Variants in SLITRK3 observed in about 807,000 individuals in gnomAD.
SLITRK3 encodes SLIT and NTRK-like protein 3.
A neutral mutation model predicts 63.6 loss-of-function variants in SLITRK3; 16 were observed. That is an observed-to-expected ratio of 0.25 (90% CI 0.17 to 0.38). The LOEUF (loss-of-function observed/expected upper bound fraction) is 0.38, where lower values mean the gene tolerates loss of function less well. SLITRK3 is among the 10% of genes least tolerant of loss of function. The pLI is 1.00. For synonymous variants in SLITRK3, 547 were observed against 451.6 expected (o/e 1.21, Z -2.68); for missense variants, 1,117 against 1,181.4 (o/e 0.95, Z 0.80).
rs1448333933 is a variant in SLITRK3, at chr3:165,188,474, C to T, written c.2357G>A (p.Gly786Glu). The change falls in exon 2 of 2, where the codon GGA becomes GAA. Residue 786 changes from glycine to glutamate, a missense_variant. Gly to Glu is a moderately conservative substitution (Grantham distance 98, BLOSUM62 -2). This residue lies in a region of SLITRK3 where 499 missense variants were observed against 463.6 expected (regional missense o/e 1.08). Coordinates refer to ENST00000475390, the MANE Select transcript of SLITRK3 (RefSeq NM_001318810.2). ...ACTTCCTAGGAGAGCCTCACCCATTCCCGGTGGTTGTGTCCCTGGACCCCC... is the reference window on the plus strand; with the variant it reads ...ACTTCCTAGGAGAGCCTCACCCATTTCCGGTGGTTGTGTCCCTGGACCCCC... Reference protein sequence around the residue: ...ERGGPGTQPPGMGEALLGSEQ... With the variant: ...ERGGPGTQPPEMGEALLGSEQ... The T allele has an allele frequency of 6.2e-7, 1 of 1,613,850 alleles. No homozygotes were observed. Among genetic ancestry groups the T allele is most frequent in the African/African-American group, 1.3e-5 (1 of 74,860 alleles).
At position 165,190,221 on chromosome 3, in the gene SLITRK3, G is replaced by A. The variant is rs1420153400; in HGVS notation, c.610C>T (p.Arg204Cys). Residue 204 changes from arginine to cysteine, a missense_variant, in exon 2 of 2, where the codon CGT (arginine) becomes TGT (cysteine). By Grantham distance (180) the Arg-to-Cys change is radical (BLOSUM62 -3). Coordinates refer to ENST00000475390, the MANE Select transcript of SLITRK3 (RefSeq NM_001318810.2). The part of the protein sequence containing the change: ...KAVSLTHLDL[R>C]GNRLKVLFYR... The stretch of plus-strand genomic sequence containing the variant: ...AAAAGAACCTTTAACCTATTTCCAC[G>A]TAGGTCCAAATGGGTTAAAGAGACA... 3.7e-6 allele frequency: 6 copies of A among 1,614,102 alleles called. No individual in the cohort carries two copies. The highest frequency in any genetic ancestry group is 1.3e-5 in the African/African-American group (1 of 75,012).
Position 165,188,866 on chromosome 3 carries a change from C to T in SLITRK3, c.1965G>A (p.Val655=). 4 of 1,614,140 alleles carry T rather than the reference C, an allele frequency of 2.5e-6. No individual in the cohort carries two copies. The highest frequency in any genetic ancestry group is 4.5e-5 in the East Asian group (2 of 44,864). ...SPPGGPVPLS[V]LILSLLVLFF... is the part of the protein sequence containing the mutation. The stretch of plus-strand genomic sequence containing the variant: ...ACAGAACCAGCAGGCTGAGAATTAA[C>T]ACAGAAAGTGGCACAGGGCCCCCAG... The change falls in exon 2 of 2, where the codon GTG becomes GTA. Residue 655 remains valine (V), a synonymous_variant. Transcript: ENST00000475390.
In SLITRK3 at chr3:165,187,830, G is replaced by A. The variant is rs192962592; in HGVS notation, c.*67C>T. The stretch of plus-strand genomic sequence containing the variant: ...TGGGACAAGTGTAAAGGGAGCAAGG[G>A]ATATATTTCTTTTATTTTCCTTTTC... On this transcript the variant is annotated 3_prime_UTR_variant, in exon 2 of 2. Coordinates refer to ENST00000475390, the MANE Select transcript of SLITRK3 (RefSeq NM_001318810.2). 172 of 1,307,628 alleles carry A rather than the reference G, an allele frequency of 1.3e-4. No individual in the cohort carries two copies. In the East Asian group the frequency reaches 3.9e-3, roughly 30 times the overall value. 81.0% of individuals were successfully genotyped at this position (1,307,628 alleles called of 1,614,324 possible).
intron 1 of SLITRK3, among the ~76,000 whole-genome samples, chr3:165,194,176 T>A (rs541651304): frequency 1.3e-5 from 2 of 152,134 alleles, no homozygotes; most frequent in African/African-American, 4.8e-5. Flanking sequence ...CAGGGACTTT[T>A]TGGTTGCTAA....
Position 165,195,943 on chromosome 3 carries a change from T to G in SLITRK3, c.-385A>C, listed in dbSNP as rs955940706. The stretch of plus-strand genomic sequence containing the variant: ...AGGTTCCTTTGATTTAAAATCTCGG[T>G]GCTCTGGATCAGTGGAGAGCTTCGT... On this transcript the variant is annotated 5_prime_UTR_variant, in exon 1 of 2. Coordinates refer to ENST00000475390, the MANE Select transcript of SLITRK3 (RefSeq NM_001318810.2). 1.3e-5 allele frequency: 2 copies of G among 152,648 alleles called. No homozygotes were observed. The highest frequency in any genetic ancestry group is 2.4e-5 in the African/African-American group (1 of 41,422). 9.5% of individuals were successfully genotyped at this position (152,648 alleles called of 1,614,324 possible).
intron 1 of SLITRK3, among the ~76,000 whole-genome samples, chr3:165,192,075 T>C (rs2108209896): frequency 6.6e-6 from 1 of 152,348 alleles, no homozygotes; most frequent in South Asian, 2.1e-4. Context: ...ATTTAATAGC[T>C]GATTTTAATC....
chr3:165,189,814 A>C lies in SLITRK3; in HGVS notation c.1017T>G (p.Pro339=), dbSNP rs1394122114. The change falls in exon 2 of 2, where the codon CCT becomes CCG. Residue 339 remains proline (P), a synonymous_variant. Transcript: ENST00000475390. This position sits in a 1 kb window ranked among gnomAD's most constrained non-coding sequence, Gnocchi z 4.0. ...SNKQPKPTKQ[P]RTPRPPSTSQ... is the part of the protein sequence containing the mutation. ...AGGTGGAGGGTGGCCTTGGTGTTCG[A>C]GGCTGTTTGGTGGGCTTAGGCTGTT... The C allele has an allele frequency of 1.9e-6, 3 of 1,614,054 alleles. No homozygotes were observed. In the Admixed American group the frequency reaches 5.0e-5, roughly 27 times the overall value.
chr3:165,189,840 T>G lies in SLITRK3; in HGVS notation c.991A>C (p.Lys331Gln), dbSNP rs1205451397. The G allele has an allele frequency of 1.9e-6, 3 of 1,613,988 alleles. No individual in the cohort carries two copies. Among genetic ancestry groups the G allele is most frequent in the South Asian group, 2.2e-5 (2 of 91,076 alleles). Reference protein sequence around the residue: ...ASSVEYKSSNKQPKPTKQPRT... With the variant: ...ASSVEYKSSNQQPKPTKQPRT... Reference sequence around the variant, plus strand: ...GGCTGTTTGGTGGGCTTAGGCTGTTTATTTGAGGACTTGTATTCGACAGAA... The same window carrying G: ...GGCTGTTTGGTGGGCTTAGGCTGTTGATTTGAGGACTTGTATTCGACAGAA... Residue 331 changes from lysine (K) to glutamine (Q), a missense_variant, in exon 2 of 2, where the codon AAA becomes CAA. By Grantham distance (53) the Lys-to-Gln change is moderately conservative. Coordinates refer to ENST00000475390, the MANE Select transcript of SLITRK3 (RefSeq NM_001318810.2). This position sits in a 1 kb window ranked among gnomAD's most constrained non-coding sequence, Gnocchi z 4.0.
intron 1 of SLITRK3, among the ~76,000 whole-genome samples, 195 bp from the exon 2 acceptor site, chr3:165,191,046 T>C (rs542327339): frequency 1.3e-5 from 2 of 152,326 alleles, no homozygotes; most frequent in South Asian, 4.1e-4. Flanking sequence ...TCTGAAATAT[T>C]GAACCATGCA....
rs1718104952 is a variant in SLITRK3, at chr3:165,189,632, A to G, written c.1199T>C (p.Ile400Thr). The G allele has an allele frequency of 1.2e-6, 2 of 1,614,086 alleles. No individual in the cohort carries two copies. The highest frequency in any genetic ancestry group is 3.3e-5 in the Admixed American group (2 of 60,008). Reference protein sequence around the residue: ...VNCKERGFNNISELLPRPLNA... With the variant: ...VNCKERGFNNTSELLPRPLNA... ...CAAGGGCCTTGGAAGAAGTTCAGAA[A>G]TGTTATTAAATCCTCGCTCTTTGCA... Residue 400 changes from isoleucine (I) to threonine (T), a missense_variant, in exon 2 of 2, where the codon ATT becomes ACT. By Grantham distance (89) the Ile-to-Thr change is moderately conservative. Transcript: ENST00000475390. The surrounding 1 kb of genome is among the most constrained non-coding windows in gnomAD (Gnocchi z 4.0).
chr3:165,193,285 C>G (rs1174120873), intron 1 of SLITRK3, among the ~76,000 whole-genome samples: 2 of 126,180 alleles, frequency 1.6e-5, no homozygotes, highest in Non-Finnish European at 3.7e-5. Context: ...CATTTTCTTT[C>G]TTTCTTTCTT....
Position 165,187,672 on chromosome 3 carries a change from C to T in SLITRK3, c.*225G>A. ...TGGCAAAAGTCTGCGAAGGCACTTT[C>T]ATTGATTAATGATCTGAGTATGGCC... On this transcript the variant is annotated 3_prime_UTR_variant, in exon 2 of 2. Transcript: ENST00000475390. The T allele has an allele frequency of 2.4e-6, 1 of 412,074 alleles. No individual in the cohort carries two copies. Among genetic ancestry groups the T allele is most frequent in the Non-Finnish European group, 4.3e-6 (1 of 232,390 alleles). The allele number at this position is 412,074 out of a possible 1,614,324, so 25.5% of individuals were successfully genotyped here.
intron 1 of SLITRK3, 69 bp from the exon 2 acceptor site, chr3:165,190,920 T>C (rs1718201307): frequency 8.8e-7 from 1 of 1,133,380 alleles, no homozygotes; most frequent in Non-Finnish European, 1.2e-6. Flanking sequence ...GACTCCTACA[T>C]GTGGGGCATT....
rs1385012653 is a variant in SLITRK3, at chr3:165,190,438, A to G, written c.393T>C (p.Tyr131=). The change falls in exon 2 of 2, where the codon TAT becomes TAC. Residue 131 remains tyrosine (Y), a synonymous_variant. Transcript: ENST00000475390. ...AGACATCTAGTTTGTTTTCATGTAG[A>G]TATAGTCTCTTTAAAATCTTAAGAC... The part of the protein sequence containing the change: ...FNGLKILKRL[Y]LHENKLDVFR... 2 of 1,613,848 alleles carry G rather than the reference A, an allele frequency of 1.2e-6. No homozygotes were observed. The highest frequency in any genetic ancestry group is 2.7e-5 in the African/African-American group (2 of 74,996).
At chr3:165,192,324 A>C (rs2108210045) in intron 1 of SLITRK3, among the ~76,000 whole-genome samples, 1 of 152,322 alleles carries the variant, frequency 6.6e-6, no homozygotes, top group East Asian at 1.9e-4. Flanking sequence ...AAAACAATTC[A>C]GTGAAAAAGA....
At chr3:165,191,103 A>G (rs1349775637) in intron 1 of SLITRK3, among the ~76,000 whole-genome samples, 1 of 152,236 alleles carries the variant, frequency 6.6e-6, no homozygotes, top group Non-Finnish European at 1.5e-5. Flanking sequence ...GGCATATTGC[A>G]TGAACAAAAG....
upstream of SLITRK3, chr3:165,196,913 C>CTCTCTCTCTG (rs1188285257): frequency 1.4e-5 from 2 of 146,578 alleles, no homozygotes; most frequent in African/African-American, 5.0e-5. Flanking sequence ...CTCTCTCTCT[C>CTCTCTCTCTG]TCTCTCTCTC....
chr3:165,187,272 A>T lies in SLITRK3; in HGVS notation c.*625T>A, dbSNP rs553345130. 3.3e-5 allele frequency: 5 copies of T among 153,556 alleles called. No homozygotes were observed. The highest frequency in any genetic ancestry group is 9.7e-5 in the African/African-American group (4 of 41,148). The allele number at this position is 153,556 out of a possible 1,614,324, so 9.5% of individuals were successfully genotyped here. A position where few individuals can be genotyped will look rare whatever the true frequency, so the allele number is the denominator to read the frequency against. ...TGTGTGTACCTGCACCAGCAGGAAG[A>T]AACTGCAGGTTTAGGGACCATGGTC... On this transcript the variant is annotated 3_prime_UTR_variant, in exon 2 of 2. Coordinates refer to ENST00000475390, the MANE Select transcript of SLITRK3 (RefSeq NM_001318810.2).
chr3:165,188,361 T>C lies in SLITRK3; in HGVS notation c.2470A>G (p.Ser824Gly). 6.2e-7 allele frequency: 1 copy of C among 1,614,050 alleles called. No homozygotes were observed. Among genetic ancestry groups the C allele is most frequent in the Non-Finnish European group, 8.5e-7 (1 of 1,180,026 alleles). ...GTCACTATGGTGTTAAGCTGGGAGC[T>C]GGACACTGCTAGGGCCCACTCCTTC... Reference protein sequence around the residue: ...KEKEWALAVSSSQLNTIVTVN... With the variant: ...KEKEWALAVSGSQLNTIVTVN... Residue 824 changes from serine (S) to glycine (G), a missense_variant, in exon 2 of 2, where the codon AGC (serine) becomes GGC (glycine). Physicochemically the swap from Ser to Gly is moderately conservative, Grantham distance 56 (BLOSUM62 0). Coordinates refer to ENST00000475390, the MANE Select transcript of SLITRK3 (RefSeq NM_001318810.2).
Sources: gnomAD v4.1 joint callset for allele counts (sites outside exome capture counted in the v4.1 genomes callset) on GRCh38, gnomAD v4.1.1 for gene constraint, gnomAD v4.1.1 regional missense constraint, Gnocchi (gnomAD v3.1) non-coding constraint, MANE v1.5 for transcripts, NCBI Gene and HGNC (gene_info 2026-07-23, HGNC 2026-07-21) for gene names.